MDGA2: variants seen among roughly 807,000 people sequenced by gnomAD.
MDGA2 encodes the protein MAM domain-containing glycosylphosphatidylinositol anchor protein 2.
MDGA2 carries 40 observed loss-of-function variants against 117.8 expected under a neutral mutation model. The ratio of observed to expected loss-of-function variants is 0.34; its 90% CI spans 0.26 to 0.44. The LOEUF (loss-of-function observed/expected upper bound fraction) is 0.44. MDGA2 is among the 20% of genes least tolerant of loss of function. The pLI, the probability that MDGA2 is intolerant of heterozygous loss-of-function variation, is 1.00. For missense variants in MDGA2, 1,123 were observed against 1,250.6 expected, an observed-to-expected ratio of 0.90 and a Z score of 1.54; for synonymous variants, 452 against 439.0, an observed-to-expected ratio of 1.03 and a Z score of -0.37.
In MDGA2 at chr14:47,079,974, G is replaced by A. The variant is rs568512142; in HGVS notation, c.1195+16880C>T. 1.2e-3 allele frequency among the ~76,000 whole-genome samples: 184 copies of A among 151,946 alleles called. 2 individuals are homozygous for A. Among genetic ancestry groups the A allele is most frequent in the African/African-American group, 2.8e-3 (114 of 41,452 alleles). On this transcript the variant is annotated intron_variant, in intron 6 of 16. Transcript: ENST00000399232. ...TCTCGATCTCCTGACCTCGTGATCC[G>A]CCCGCCTCGGCCTCCCAAAGTGCTG...
chr14:47,588,223 C>A (rs1896362816), intron 1 of MDGA2, among the ~76,000 whole-genome samples: 1 of 116,118 alleles, frequency 8.6e-6, no homozygotes, highest in Non-Finnish European at 1.8e-5. Context: ...TTTCAAATCT[C>A]TTGGAGATAG....
chr14:47,113,967 G>GT (rs1555354371), intron 5 of MDGA2, among the ~76,000 whole-genome samples: 6 of 152,052 alleles, frequency 3.9e-5, no homozygotes, highest in Admixed American at 6.6e-5. Context: ...AAGTCAAACT[G>GT]TATCTATTTG....
At chr14:47,048,128 T>C (rs1889330067) in intron 7 of MDGA2, among the ~76,000 whole-genome samples, 1 of 152,070 alleles carries the variant, frequency 6.6e-6, no homozygotes, top group Admixed American at 6.6e-5. Flanking sequence ...GACATCCCTA[T>C]ATACATCTAC....
chr14:47,116,774 G>A (rs966420468), intron 5 of MDGA2, among the ~76,000 whole-genome samples: 2 of 151,874 alleles, frequency 1.3e-5, no homozygotes, highest in African/African-American at 2.4e-5. Flanking sequence ...GTGGACTAAA[G>A]GCTTAAATAT....
At chr14:47,651,855 G>T (rs1897651741) in intron 1 of MDGA2, among the ~76,000 whole-genome samples, 1 of 152,192 alleles carries the variant, frequency 6.6e-6, no homozygotes, top group South Asian at 2.1e-4. Context: ...ATGATATGTG[G>T]ACCTGGGTGA....
intron 1 of MDGA2, among the ~76,000 whole-genome samples, chr14:47,357,093 G>C (rs1372082500): frequency 6.6e-6 from 1 of 152,090 alleles, no homozygotes; most frequent in African/African-American, 2.4e-5. Context: ...CTAATTACTT[G>C]GTTGGTTAAA....
At chr14:47,346,423 AT>A (rs1381887041) in intron 1 of MDGA2, among the ~76,000 whole-genome samples, 1 of 152,138 alleles carries the variant, frequency 6.6e-6, no homozygotes, top group Non-Finnish European at 1.5e-5. Context: ...GCACTTTAAA[AT>A]TTTAGCCAGT....
intron 8 of MDGA2, among the ~76,000 whole-genome samples, chr14:46,993,788 C>A (rs1887184009): frequency 6.6e-6 from 1 of 152,106 alleles, no homozygotes; most frequent in Non-Finnish European, 1.5e-5. Context: ...TACTAGGATC[C>A]ATACTGGCTA....
chr14:47,540,100 C>A lies in MDGA2; in HGVS notation c.280+134417G>T, dbSNP rs1276106711. Among the ~76,000 whole-genome samples the A allele has an allele frequency of 2.6e-5, 4 of 152,160 alleles. No individual in the cohort carries two copies. In the East Asian group the frequency reaches 5.8e-4, roughly 22 times the overall value. ...CGATCTCGGCTCACTGCAGGCTCCG[C>A]CCCCCGGGGTTCACGCCATTCATCT... On this transcript the variant is annotated intron_variant, in intron 1 of 16. Coordinates refer to ENST00000399232, the MANE Select transcript of MDGA2 (RefSeq NM_001113498.3).
intron 1 of MDGA2, among the ~76,000 whole-genome samples, chr14:47,417,616 C>A (rs1892500679): frequency 6.6e-6 from 1 of 152,146 alleles, no homozygotes; most frequent in African/African-American, 2.4e-5. Context: ...GCATGCACCT[C>A]AAAACTTTTT....
At chr14:47,212,031 ACACT>A (rs56229347) in intron 3 of MDGA2, among the ~76,000 whole-genome samples, 16,201 of 152,178 alleles carry the variant, frequency 0.11, 990 homozygotes, top group Middle Eastern at 0.14. Flanking sequence ...TTTTGAATAG[ACACT>A]CAATGAATGA....
At chr14:47,044,380 A>C (rs985488756) in intron 7 of MDGA2, among the ~76,000 whole-genome samples, 17 of 152,180 alleles carry the variant, frequency 1.1e-4, no homozygotes, top group African/African-American at 3.6e-4. Flanking sequence ...AGCACTTGGT[A>C]ATATTGAGTA....
chr14:47,252,748 A>T (rs1164453509), intron 2 of MDGA2, among the ~76,000 whole-genome samples: 1 of 152,202 alleles, frequency 6.6e-6, no homozygotes, highest in Non-Finnish European at 1.5e-5. Flanking sequence ...AGTGAGGAGA[A>T]GGAAAAGGTG....
chr14:46,867,738 C>T (rs1881833187), intron 14 of MDGA2, among the ~76,000 whole-genome samples: 1 of 151,860 alleles, frequency 6.6e-6, no homozygotes, highest in African/African-American at 2.4e-5. Context: ...ATATCTTTAT[C>T]CTTTATATGA....
At chr14:47,004,053 T>C (rs191304766) in intron 8 of MDGA2, among the ~76,000 whole-genome samples, 50 of 152,070 alleles carry the variant, frequency 3.3e-4, no homozygotes, top group Admixed American at 2.8e-3. Flanking sequence ...AAAGTATACA[T>C]TTAATGAAAG....
chr14:47,193,658 T>C (rs1885190146), intron 3 of MDGA2, among the ~76,000 whole-genome samples: 1 of 152,218 alleles, frequency 6.6e-6, no homozygotes, highest in African/African-American at 2.4e-5. Flanking sequence ...AGAAAGCTAC[T>C]AATTAGTGTC....
At chr14:47,172,150 C>T (rs576050182) in intron 3 of MDGA2, among the ~76,000 whole-genome samples, 11 of 152,152 alleles carry the variant, frequency 7.2e-5, no homozygotes, top group Admixed American at 1.3e-4. Context: ...CAGGAAGCTC[C>T]GACTGGGTGG....
intron 1 of MDGA2, among the ~76,000 whole-genome samples, chr14:47,642,707 A>G (rs996987739): frequency 1.1e-4 from 16 of 152,074 alleles, no homozygotes; most frequent in Non-Finnish European, 1.5e-5. Flanking sequence ...TATCTGTATT[A>G]AAGCATAAAC....
intron 8 of MDGA2, among the ~76,000 whole-genome samples, chr14:46,966,328 T>C (rs1886030179): frequency 6.6e-6 from 1 of 152,188 alleles, no homozygotes; most frequent in African/African-American, 2.4e-5. Context: ...TTATTTCCAA[T>C]TGCAGATACT....
Sources: gnomAD v4.1 joint callset for allele counts (sites outside exome capture counted in the v4.1 genomes callset) on GRCh38, gnomAD v4.1.1 for gene constraint, MANE v1.5 for transcripts, NCBI Gene and HGNC (gene_info 2026-07-23, HGNC 2026-07-21) for gene names.